GALNT13: variants seen among roughly 807,000 people sequenced by gnomAD.
GALNT13 encodes the protein UDP-GalNAc:polypeptide N-acetylgalactosaminyltransferase 13.
Under a neutral mutation model 64.2 loss-of-function variants are expected in GALNT13, and 28 were observed. That is an observed-to-expected ratio of 0.44 (90% CI 0.32 to 0.60). GALNT13 has a LOEUF of 0.60. Ranked by LOEUF, GALNT13 falls within the 20% of genes least tolerant of loss-of-function variation. The probability of loss-of-function intolerance (pLI) is 0.05; values close to 1 mark genes in which losing one functional copy is unlikely to be tolerated. For synonymous variants in GALNT13, 214 were observed against 224.6 expected, an observed-to-expected ratio of 0.95 and a Z score of 0.42; for missense variants, 577 against 669.8, an observed-to-expected ratio of 0.86 and a Z score of 1.53.
chr2:153,272,398 T>A, the GALNT13 span, among the ~76,000 whole-genome samples: 1 of 117,600 alleles, frequency 8.5e-6, no homozygotes, highest in East Asian at 2.0e-4. Context: ...GACAAAGAAC[T>A]TAAACAAATT....
the GALNT13 span, among the ~76,000 whole-genome samples, chr2:153,671,810 T>A: frequency 6.6e-6 from 1 of 152,030 alleles, no homozygotes; most frequent in Non-Finnish European, 1.5e-5. Flanking sequence ...GAGACCCATC[T>A]CATGTGCAAA....
chr2:153,655,777 T>C, the GALNT13 span, among the ~76,000 whole-genome samples: 2 of 152,128 alleles, frequency 1.3e-5, no homozygotes, highest in African/African-American at 4.8e-5. Context: ...AAAATCTCAC[T>C]ATTATCACTA....
At chr2:154,441,436 G>A (rs1337132486) in intron 12 of GALNT13, among the ~76,000 whole-genome samples, 2 of 152,044 alleles carry the variant, frequency 1.3e-5, no homozygotes, top group Non-Finnish European at 2.9e-5. Flanking sequence ...AATCTCTGAG[G>A]TGGTGCAGGT....
chr2:153,309,833 A>G, the GALNT13 span, among the ~76,000 whole-genome samples: 1 of 152,194 alleles, frequency 6.6e-6, no homozygotes, highest in Admixed American at 6.5e-5. Context: ...GCAGTAAAAC[A>G]GTTCTGTGAC....
the GALNT13 span, among the ~76,000 whole-genome samples, chr2:153,657,443 C>T: frequency 2.6e-5 from 4 of 152,184 alleles, no homozygotes; most frequent in African/African-American, 9.6e-5. Context: ...GTGCCTTACC[C>T]ACATTTAATC....
intron 3 of GALNT13, among the ~76,000 whole-genome samples, chr2:154,136,208 C>A (rs568697673): frequency 1.2e-4 from 19 of 152,128 alleles, no homozygotes; most frequent in Non-Finnish European, 2.2e-4. Context: ...AAAGTAACAA[C>A]TGAGTAGATC....
At chr2:154,200,900 G>C (rs16836203) in intron 4 of GALNT13, among the ~76,000 whole-genome samples, 2 of 152,014 alleles carry the variant, frequency 1.3e-5, no homozygotes, top group Non-Finnish European at 2.9e-5. Flanking sequence ...GAACTGAAGA[G>C]GCTTTGGGAA....
At chr2:153,422,178 TGG>T in the GALNT13 span, among the ~76,000 whole-genome samples, 1 of 152,168 alleles carries the variant, frequency 6.6e-6, no homozygotes, top group African/African-American at 2.4e-5. Flanking sequence ...TCAAAATGTG[TGG>T]GATTTGGCTA....
the GALNT13 span, among the ~76,000 whole-genome samples, chr2:153,077,166 G>A: frequency 3.9e-5 from 6 of 152,000 alleles, no homozygotes; most frequent in East Asian, 9.7e-4. Flanking sequence ...TGGCCACGCT[G>A]GTCTCTAACT....
the GALNT13 span, among the ~76,000 whole-genome samples, chr2:153,253,172 G>A: frequency 6.6e-6 from 1 of 150,628 alleles, no homozygotes; most frequent in Non-Finnish European, 1.5e-5. Flanking sequence ...TCTCCTTGAA[G>A]AGGTCCTTCA....
the GALNT13 span, among the ~76,000 whole-genome samples, chr2:153,810,446 T>C: frequency 9.2e-5 from 14 of 152,336 alleles, no homozygotes; most frequent in East Asian, 2.7e-3. Flanking sequence ...TTATTATAAT[T>C]ATTGTGGTTT....
At chr2:153,692,173 T>C in the GALNT13 span, among the ~76,000 whole-genome samples, 1 of 152,164 alleles carries the variant, frequency 6.6e-6, no homozygotes, top group Non-Finnish European at 1.5e-5. Context: ...ATAAATTATA[T>C]AAACATATTG....
rs570398738 is a variant in GALNT13 at position 154,227,768 on chromosome 2, C to T, written c.312-14262C>T. 2.2e-4 allele frequency among the ~76,000 whole-genome samples: 34 copies of T among 152,038 alleles called. No homozygotes were observed. The East Asian group carries it at 5.8e-3, about 26-fold the overall frequency. On this transcript the variant is annotated intron_variant, in intron 4 of 12. Transcript: ENST00000392825. ...GGTTGTGGCCTTCATTCTAGCTTAA[C>T]CCATTTCCCGTTTGCACCTGCAGTA...
chr2:153,244,733 C>T, the GALNT13 span, among the ~76,000 whole-genome samples: 1 of 152,194 alleles, frequency 6.6e-6, no homozygotes, highest in African/African-American at 2.4e-5. Flanking sequence ...TGCTTGAAAC[C>T]CAGGTGCCTG....
At chr2:153,248,411 C>T in the GALNT13 span, among the ~76,000 whole-genome samples, 1 of 152,160 alleles carries the variant, frequency 6.6e-6, no homozygotes, top group Non-Finnish European at 1.5e-5. Flanking sequence ...GTTCAACATA[C>T]ACAAATTAAT....
At chr2:153,310,921 A>G in the GALNT13 span, among the ~76,000 whole-genome samples, 1 of 152,206 alleles carries the variant, frequency 6.6e-6, no homozygotes. Context: ...CCCAGATGGA[A>G]GGATCAATTC....
intron 9 of GALNT13, among the ~76,000 whole-genome samples, chr2:154,394,077 C>CAAAAAAAAA (rs369267777): frequency 0.012 from 388 of 32,002 alleles, 64 homozygotes; most frequent in Middle Eastern, 0.038. Context: ...GACTCCGTCT[C>CAAAAAAAAA]AAAAAAAAAA....
At chr2:153,425,147 G>A in the GALNT13 span, among the ~76,000 whole-genome samples, 1 of 151,752 alleles carries the variant, frequency 6.6e-6, no homozygotes, top group East Asian at 1.9e-4. Context: ...CTAAAGAATA[G>A]TATTTATAAG....
chr2:153,903,820 G>A (rs1688389110), intron 2 of GALNT13, among the ~76,000 whole-genome samples: 1 of 151,970 alleles, frequency 6.6e-6, no homozygotes, highest in African/African-American at 2.4e-5. Flanking sequence ...ACAGAGCAAT[G>A]ATTTTCACAA....
Sources: gnomAD v4.1 joint callset for allele counts (sites outside exome capture counted in the v4.1 genomes callset) on GRCh38, gnomAD v4.1.1 for gene constraint, MANE v1.5 for transcripts, NCBI Gene and HGNC (gene_info 2026-07-23, HGNC 2026-07-21) for gene names.